LYPLAL1: variants seen among roughly 807,000 people sequenced by gnomAD.
LYPLAL1 encodes lysophospholipase like 1, also known as lysophospholipase-like protein 1.
LYPLAL1 carries 23 observed loss-of-function variants against 19.7 expected under a neutral mutation model. The observed-to-expected ratio is 1.17, with a 90% CI of 0.84 to 1.65. The LOEUF is 1.65. Ranked by LOEUF, LYPLAL1 falls within the 40% of genes most tolerant of loss-of-function variation. The pLI is 0.00. For missense variants in LYPLAL1, 355 were observed against 279.4 expected (o/e 1.27, Z -1.93); for synonymous variants, 119 against 96.3 (o/e 1.24, Z -1.38).
chr1:219,370,880 A>C, the LYPLAL1 span, among the ~76,000 whole-genome samples: 1 of 152,162 alleles, frequency 6.6e-6, no homozygotes, highest in Non-Finnish European at 1.5e-5. Context: ...CTTAAGATAG[A>C]GCACCAATAA....
chr1:219,238,384 C>T, the LYPLAL1 span, among the ~76,000 whole-genome samples: 1 of 142,390 alleles, frequency 7.0e-6, no homozygotes, highest in Non-Finnish European at 1.5e-5. Flanking sequence ...ATCTCCTGAC[C>T]TCGTGATCTG....
the LYPLAL1 span, among the ~76,000 whole-genome samples, chr1:219,437,502 A>T: frequency 6.6e-5 from 10 of 152,000 alleles, no homozygotes; most frequent in Admixed American, 3.3e-4. Context: ...CCTGACTCTG[A>T]TCCTTCCCCT....
chr1:219,387,819 A>C, the LYPLAL1 span, among the ~76,000 whole-genome samples: 1 of 152,280 alleles, frequency 6.6e-6, no homozygotes, highest in African/African-American at 2.4e-5. Flanking sequence ...TGTCTAAATT[A>C]CCTGTGAAAA....
At chr1:219,432,941 C>T in the LYPLAL1 span, among the ~76,000 whole-genome samples, 1 of 152,142 alleles carries the variant, frequency 6.6e-6, no homozygotes. Context: ...CAAGGAACAG[C>T]AGACACCTTG....
chr1:219,277,338 C>G, the LYPLAL1 span, among the ~76,000 whole-genome samples: 2 of 152,122 alleles, frequency 1.3e-5, no homozygotes, highest in East Asian at 3.9e-4. Context: ...TGATTATGAT[C>G]AGCAATTTTG....
the LYPLAL1 span, among the ~76,000 whole-genome samples, chr1:219,295,545 C>G: frequency 6.6e-6 from 1 of 152,088 alleles, no homozygotes; most frequent in African/African-American, 2.4e-5. Flanking sequence ...TATTTGTTAG[C>G]AGAAAATGTC....
the LYPLAL1 span, among the ~76,000 whole-genome samples, chr1:219,228,139 TTTC>T: frequency 6.6e-6 from 1 of 152,186 alleles, no homozygotes; most frequent in Non-Finnish European, 1.5e-5. Flanking sequence ...TTCCTGGCTG[TTTC>T]TTGAGAGTGA....
At chr1:219,293,814 A>G in the LYPLAL1 span, among the ~76,000 whole-genome samples, 2 of 152,252 alleles carry the variant, frequency 1.3e-5, no homozygotes, top group East Asian at 3.8e-4. Flanking sequence ...TGTTTCCAAT[A>G]TGGCATCTGA....
chr1:219,201,965 G>T (rs1416836277), intron 3 of LYPLAL1, among the ~76,000 whole-genome samples: 5 of 152,136 alleles, frequency 3.3e-5, no homozygotes, highest in Non-Finnish European at 4.4e-5. Context: ...TGATCTAGCT[G>T]AACCTCTCGT....
At chr1:219,361,062 A>C in the LYPLAL1 span, among the ~76,000 whole-genome samples, 1 of 152,228 alleles carries the variant, frequency 6.6e-6, no homozygotes, top group African/African-American at 2.4e-5. Flanking sequence ...TGTTTCTCTC[A>C]TAACAGCTTG....
chr1:219,201,636 T>G (rs1270465449), intron 3 of LYPLAL1, among the ~76,000 whole-genome samples: 3 of 152,124 alleles, frequency 2.0e-5, no homozygotes, highest in African/African-American at 4.8e-5. Flanking sequence ...ATGAGCTAAT[T>G]AATGTCTATA....
chr1:219,205,317 A>G (rs1268531897), intron 3 of LYPLAL1, among the ~76,000 whole-genome samples: 1 of 145,968 alleles, frequency 6.9e-6, no homozygotes, highest in Non-Finnish European at 1.5e-5. Flanking sequence ...AGATTGCGCC[A>G]CTGCAGTCCG....
the LYPLAL1 span, among the ~76,000 whole-genome samples, chr1:219,336,840 C>T: frequency 2.0e-5 from 3 of 151,900 alleles, no homozygotes; most frequent in African/African-American, 7.3e-5. Context: ...AGAAATCTGC[C>T]TCAATATTAT....
chr1:219,254,445 C>T, the LYPLAL1 span, among the ~76,000 whole-genome samples: 1 of 151,990 alleles, frequency 6.6e-6, no homozygotes, highest in Non-Finnish European at 1.5e-5. Flanking sequence ...TTTAGGACTC[C>T]TTTCAAGATC....
At chr1:219,394,444 T>C in the LYPLAL1 span, among the ~76,000 whole-genome samples, 1 of 152,188 alleles carries the variant, frequency 6.6e-6, no homozygotes, top group Non-Finnish European at 1.5e-5. Context: ...AATTCTTTCA[T>C]CTTCCAAATG....
the LYPLAL1 span, among the ~76,000 whole-genome samples, chr1:219,334,486 G>T: frequency 1.3e-5 from 2 of 150,742 alleles, no homozygotes; most frequent in African/African-American, 4.9e-5. Context: ...TACTTTTCCA[G>T]CATAAATGAC....
At chr1:219,252,827 C>T in the LYPLAL1 span, among the ~76,000 whole-genome samples, 1 of 151,874 alleles carries the variant, frequency 6.6e-6, no homozygotes, top group African/African-American at 2.4e-5. Context: ...TCCCTCCTTT[C>T]CAGTTTTTTG....
the LYPLAL1 span, among the ~76,000 whole-genome samples, chr1:219,218,008 T>A: frequency 6.6e-6 from 1 of 151,994 alleles, no homozygotes; most frequent in Admixed American, 6.6e-5. Flanking sequence ...TTCTTCTGCT[T>A]GAAGTTTTAT....
chr1:219,300,466 G>T, the LYPLAL1 span, among the ~76,000 whole-genome samples: 7 of 150,070 alleles, frequency 4.7e-5, no homozygotes, highest in African/African-American at 1.7e-4. Context: ...AGGTGGAAAA[G>T]AGATTTATAA....
Sources: allele counts gnomAD v4.1 joint callset (sites outside exome capture counted in the v4.1 genomes callset), GRCh38; gene constraint gnomAD v4.1.1; transcripts MANE v1.5; gene names NCBI Gene and HGNC (gene_info 2026-07-23, HGNC 2026-07-21).